The following ERCC6L2 variants were observed in gnomAD, a reference collection of about 807,000 sequenced individuals.
The protein encoded by ERCC6L2 is ERCC excision repair 6 like 2.
In ERCC6L2, 77 loss-of-function variants were observed where a neutral mutation model predicts 132.0. The ratio of observed to expected loss-of-function variants is 0.58; its 90% CI spans 0.49 to 0.71. The LOEUF is 0.71. Among genes scored for constraint, ERCC6L2 ranks in the 30% least tolerant of loss-of-function variants. The probability of loss-of-function intolerance (pLI) is 0.00; values close to 1 mark genes in which losing one functional copy is unlikely to be tolerated. For missense variants in ERCC6L2, 1,542 were observed against 1,837.6 expected, an observed-to-expected ratio of 0.84 and a Z score of 2.94; for synonymous variants, 583 against 632.4, an observed-to-expected ratio of 0.92 and a Z score of 1.17.
chr9:95,932,148 T>C (rs1434437080), intron 11 of ERCC6L2, among the ~76,000 whole-genome samples: 2 of 151,704 alleles, frequency 1.3e-5, no homozygotes, highest in African/African-American at 2.4e-5. Context: ...CACTGCAACC[T>C]CCGCCTCCCG....
intron 13 of ERCC6L2, among the ~76,000 whole-genome samples, chr9:95,958,759 A>G (rs1225509654): frequency 1.3e-5 from 2 of 152,180 alleles, no homozygotes; most frequent in East Asian, 3.8e-4. Flanking sequence ...CCAAATCATG[A>G]GTGAACTCCC....
intron 2 of ERCC6L2, among the ~76,000 whole-genome samples, chr9:95,888,068 G>GTTT (rs71368214): frequency 2.9e-5 from 4 of 138,924 alleles, no homozygotes; most frequent in East Asian, 4.1e-4. Context: ...GCACTTTGTG[G>GTTT]TTTTTTTTTT....
chr9:96,013,992 AT>A lies in ERCC6L2; in HGVS notation c.*790del, dbSNP rs1834120937. On this transcript the variant is annotated 3_prime_UTR_variant, in exon 19 of 19. Coordinates refer to ENST00000653738, the MANE Select transcript of ERCC6L2 (RefSeq NM_020207.7). The stretch of plus-strand genomic sequence containing the variant: ...ACTTTTTATTTTGTTAGAAACTGTT[AT>A]ATTTTGAGTGTAATATTTATGGTTT... 1 of 152,200 alleles carries A rather than the reference AT, an allele frequency of 6.6e-6. No homozygotes were observed. The highest frequency in any genetic ancestry group is 2.4e-5 in the African/African-American group (1 of 41,442). 9.4% of individuals were successfully genotyped at this position (152,200 alleles called of 1,614,324 possible).
rs1317148901 is a variant in ERCC6L2, at chr9:96,030,703, A to AC, written c.*1504-8173_*1504-8172insC. ...GGCGACAAAGCGAGACTCCATCTCA[A>AC]AAAAAAAAAAAAAAAAAGCTGTAAC... On this transcript the variant is annotated intron_variant and NMD_transcript_variant, in intron 19 of 20. Coordinates refer to the ERCC6L2 transcript ENST00000670016. 5.6e-4 allele frequency among the ~76,000 whole-genome samples: 82 copies of AC among 145,262 alleles called. 1 individual carries two copies. In the East Asian group the frequency reaches 0.016, roughly 28 times the overall value.
chr9:96,026,392 T>A (rs1299529472), intron 19 of ERCC6L2, among the ~76,000 whole-genome samples: 1 of 151,430 alleles, frequency 6.6e-6, no homozygotes, highest in African/African-American at 2.4e-5. Context: ...TCCCAGGAGG[T>A]GGATTCGGAA....
intron 11 of ERCC6L2, 200 bp downstream of exon 11, chr9:95,929,064 C>T (rs187030590): frequency 2.2e-4 from 90 of 400,534 alleles, no homozygotes; most frequent in African/African-American, 1.7e-3. Flanking sequence ...TTGAATTCCT[C>T]TTAGAAGTCT....
At chr9:95,884,382 A>T (rs1827753866) in intron 2 of ERCC6L2, among the ~76,000 whole-genome samples, 1 of 152,208 alleles carries the variant, frequency 6.6e-6, no homozygotes, top group Admixed American at 6.5e-5. Flanking sequence ...AAGAAATGTG[A>T]ATGATTACTG....
chr9:95,953,360 A>C (rs1831433889), intron 12 of ERCC6L2, among the ~76,000 whole-genome samples: 1 of 152,164 alleles, frequency 6.6e-6, no homozygotes, highest in African/African-American at 2.4e-5. Context: ...GCGGATCATG[A>C]GATCAGGAGG....
rs573724088 is a variant in ERCC6L2, at chr9:96,040,512, G to A, written c.*1755+1385G>A. On this transcript the variant is annotated intron_variant and NMD_transcript_variant, in intron 20 of 20. Coordinates refer to the ERCC6L2 transcript ENST00000670016. The stretch of plus-strand genomic sequence containing the variant: ...CTCATAGCCAGGCGCTGGTGCCCTC[G>A]GAGCTCTGCATATCTCCCCCGAAAT... Among the ~76,000 whole-genome samples, 36 of 152,304 alleles carry A rather than the reference G, an allele frequency of 2.4e-4. No individual in the cohort carries two copies. In the Middle Eastern group the frequency reaches 0.01, roughly 43 times the overall value.
chr9:95,885,085 A>G (rs1237804648), intron 2 of ERCC6L2, among the ~76,000 whole-genome samples: 2 of 152,194 alleles, frequency 1.3e-5, no homozygotes, highest in African/African-American at 4.8e-5. Flanking sequence ...CATAATAACT[A>G]CTATCTTATA....
In ERCC6L2 at chr9:95,881,178, T is replaced by A. The variant is rs1461160091; in HGVS notation, c.356T>A (p.Ile119Asn). ...SDNGDSIPYT[I>N]NRYLRDYQRE... ...AATGGAGACTCTATTCCTTATACCA[T>A]CAATAGGTATTTGAGAGACTACCAA... The change falls in exon 2 of 19, where the codon ATC becomes AAC. Residue 119 changes from isoleucine (I) to asparagine (N), a missense_variant. By Grantham distance (149) the Ile-to-Asn change is moderately radical. Around this residue, in one of 4 missense-constraint regions of ERCC6L2, gnomAD observed 945 missense variants for 1,105.2 expected, o/e 0.86. Coordinates refer to ENST00000653738, the MANE Select transcript of ERCC6L2 (RefSeq NM_020207.7). 1.9e-6 allele frequency: 3 copies of A among 1,613,388 alleles called. No individual in the cohort carries two copies. The highest frequency in any genetic ancestry group is 1.7e-6 in the Non-Finnish European group (2 of 1,179,742).
At chr9:95,891,608 G>A (rs957458217) in intron 2 of ERCC6L2, among the ~76,000 whole-genome samples, 36 of 146,538 alleles carry the variant, frequency 2.5e-4, no homozygotes, top group African/African-American at 8.4e-4. Flanking sequence ...TTTTTTTTTC[G>A]AGGAACTGCA....
chr9:96,041,053 C>T (rs1471613909), intron 20 of ERCC6L2, among the ~76,000 whole-genome samples: 1 of 152,164 alleles, frequency 6.6e-6, no homozygotes, highest in Non-Finnish European at 1.5e-5. Flanking sequence ...AGCCCGATGC[C>T]AATAACTTTA....
At chr9:95,990,883 T>G (rs952585847) in intron 17 of ERCC6L2, among the ~76,000 whole-genome samples, 1 of 152,114 alleles carries the variant, frequency 6.6e-6, no homozygotes, top group East Asian at 1.9e-4. Context: ...TATGAACTGT[T>G]TGAAAGGTGA....
chr9:95,940,805 T>A (rs928323339), intron 11 of ERCC6L2, among the ~76,000 whole-genome samples: 1 of 152,164 alleles, frequency 6.6e-6, no homozygotes, highest in African/African-American at 2.4e-5. Context: ...TTTGTTCTTT[T>A]ATATCCTTGC....
At position 96,016,303 on chromosome 9, in the gene ERCC6L2, G is replaced by T. The variant is rs772392990; in HGVS notation, c.*3100G>T. Among the ~76,000 whole-genome samples, 6 of 152,172 alleles carry T rather than the reference G, an allele frequency of 3.9e-5. No individual in the cohort carries two copies. Among genetic ancestry groups the T allele is most frequent in the Non-Finnish European group, 2.9e-5 (2 of 68,036 alleles). The stretch of plus-strand genomic sequence containing the variant: ...GTCTGTTGCTTCAAGCAACACCACT[G>T]TGGCTCCATGGAGCACTAATTTGAA... On this transcript the variant is annotated 3_prime_UTR_variant, in exon 19 of 19. Transcript: ENST00000653738.
rs1406008008 is a variant in ERCC6L2, at chr9:96,014,312, C to T, written c.*1109C>T. 3 of 152,134 alleles carry T rather than the reference C, an allele frequency of 2.0e-5. No homozygotes were observed. Among genetic ancestry groups the T allele is most frequent in the Admixed American group, 6.5e-5 (1 of 15,280 alleles). 9.4% of individuals were successfully genotyped at this position (152,134 alleles called of 1,614,324 possible). A position where few individuals can be genotyped will look rare whatever the true frequency, so the allele number is the denominator to read the frequency against. On this transcript the variant is annotated 3_prime_UTR_variant, in exon 19 of 19. Coordinates refer to ENST00000653738, the MANE Select transcript of ERCC6L2 (RefSeq NM_020207.7). Reference sequence around the variant, plus strand: ...CATCCCTCCAGAAAACAGCCTGAGCCGGGAACTGGCTGTGCTAAAGAGCAC... The same window carrying T: ...CATCCCTCCAGAAAACAGCCTGAGCTGGGAACTGGCTGTGCTAAAGAGCAC...
intron 19 of ERCC6L2, among the ~76,000 whole-genome samples, chr9:96,038,311 C>T (rs142292081): frequency 1.8e-4 from 27 of 152,280 alleles, no homozygotes; most frequent in African/African-American, 6.3e-4. Context: ...GTAGAATGAT[C>T]AAGCCCGAAT....
chr9:95,911,221 T>C (rs1397016329), intron 4 of ERCC6L2, among the ~76,000 whole-genome samples: 26 of 152,224 alleles, frequency 1.7e-4, no homozygotes, highest in Admixed American at 1.7e-3. Flanking sequence ...ACCAATATAC[T>C]GTACCACCCC....
Sources: gnomAD v4.1 joint callset for allele counts (sites outside exome capture counted in the v4.1 genomes callset) on GRCh38, gnomAD v4.1.1 for gene constraint, gnomAD v4.1.1 regional missense constraint, MANE v1.5 for transcripts, NCBI Gene and HGNC (gene_info 2026-07-23, HGNC 2026-07-21) for gene names.